The following DAB1 variants were observed in gnomAD, a reference collection of about 807,000 sequenced individuals.
The protein encoded by DAB1 is disabled homolog 1.
In DAB1, 15 loss-of-function variants were observed where a neutral mutation model predicts 64.6. That is an observed-to-expected ratio of 0.23 (90% CI 0.16 to 0.36). The LOEUF is 0.36. Ranked by LOEUF, DAB1 falls within the 10% of genes least tolerant of loss-of-function variation. The pLI, the probability that DAB1 is intolerant of heterozygous loss-of-function variation, is 1.00. For missense variants in DAB1, 596 were observed against 706.7 expected, an observed-to-expected ratio of 0.84 and a Z score of 1.78; for synonymous variants, 235 against 251.9, an observed-to-expected ratio of 0.93 and a Z score of 0.64.
intron 5 of DAB1, among the ~76,000 whole-genome samples, chr1:58,073,854 C>G (rs1649427064): frequency 6.6e-6 from 1 of 152,110 alleles, no homozygotes; most frequent in Non-Finnish European, 1.5e-5. Flanking sequence ...GAAATTAGTT[C>G]AGAAGGTGAA....
intron 7 of DAB1, among the ~76,000 whole-genome samples, chr1:57,527,793 T>C (rs1644611877): frequency 6.6e-6 from 1 of 152,118 alleles, no homozygotes; most frequent in African/African-American, 2.4e-5. Context: ...AGTTTTTGCA[T>C]GTGTGAGAAA....
intron 5 of DAB1, among the ~76,000 whole-genome samples, chr1:58,088,009 T>C (rs2100605331): frequency 6.6e-6 from 1 of 152,338 alleles, no homozygotes; most frequent in Non-Finnish European, 1.5e-5. Context: ...GTTTTGTTTC[T>C]ATCAACCATT....
chr1:58,452,397 C>T (rs1239648458), intron 3 of DAB1, among the ~76,000 whole-genome samples: 1 of 151,158 alleles, frequency 6.6e-6, no homozygotes, highest in Admixed American at 6.6e-5. Context: ...ATGAAAATGG[C>T]TAAAAAAAAA....
chr1:58,343,266 T>TGGATGGAC (rs1643960402), intron 4 of DAB1: 1 of 149,728 alleles, frequency 6.7e-6, no homozygotes, highest in Admixed American at 6.7e-5. Flanking sequence ...GATGGATGGA[T>TGGATGGAC]GGATGGATGG....
chr1:57,276,393 T>C (rs1671467714), intron 2 of DAB1, among the ~76,000 whole-genome samples: 1 of 152,260 alleles, frequency 6.6e-6, no homozygotes, highest in East Asian at 1.9e-4. Context: ...ACTACTTGAA[T>C]ATAAATTACT....
intron 4 of DAB1, among the ~76,000 whole-genome samples, chr1:58,162,493 G>A (rs1455920933): frequency 6.6e-6 from 1 of 151,934 alleles, no homozygotes; most frequent in African/African-American, 2.4e-5. Context: ...TCAGAAAAAC[G>A]CAAAGAGACT....
chr1:57,772,104 G>A (rs922396239), intron 6 of DAB1, among the ~76,000 whole-genome samples: 5 of 152,036 alleles, frequency 3.3e-5, no homozygotes, highest in Non-Finnish European at 5.9e-5. Flanking sequence ...TTAGGCCATA[G>A]GGGCTCTGCA....
intron 3 of DAB1, among the ~76,000 whole-genome samples, chr1:58,403,574 T>C (rs1644590798): frequency 6.6e-6 from 1 of 152,184 alleles, no homozygotes; most frequent in Non-Finnish European, 1.5e-5. Context: ...TCAAACCCAA[T>C]TAATGTCACT....
intron 2 of DAB1, among the ~76,000 whole-genome samples, chr1:57,222,045 A>G (rs187255332): frequency 2.4e-4 from 36 of 152,308 alleles, no homozygotes; most frequent in Admixed American, 2.3e-3. Flanking sequence ...CGCCCTTTAC[A>G]AATATTTTCT....
At chr1:57,399,096 T>C (rs974275854) in intron 1 of DAB1, among the ~76,000 whole-genome samples, 1 of 141,014 alleles carries the variant, frequency 7.1e-6, no homozygotes, top group Non-Finnish European at 1.5e-5. Flanking sequence ...GTTGAGGAAC[T>C]TTTTTTTTCT....
chr1:57,909,059 G>GT (rs1178242527), intron 5 of DAB1, among the ~76,000 whole-genome samples: 1 of 152,196 alleles, frequency 6.6e-6, no homozygotes, highest in Non-Finnish European at 1.5e-5. Flanking sequence ...CTCCTTTAGG[G>GT]TAGAGGGCAG....
intron 7 of DAB1, among the ~76,000 whole-genome samples, chr1:57,543,716 C>G (rs901393859): frequency 6.6e-6 from 1 of 152,094 alleles, no homozygotes; most frequent in African/African-American, 2.4e-5. Context: ...GAAGGAATGG[C>G]ATTGCCGAGC....
At chr1:58,309,343 C>T (rs774297302) in intron 4 of DAB1, among the ~76,000 whole-genome samples, 1 of 152,044 alleles carries the variant, frequency 6.6e-6, no homozygotes, top group Non-Finnish European at 1.5e-5. Flanking sequence ...TCCCATGGGC[C>T]GCTTGAATTT....
chr1:57,428,149 C>T (rs1685360369), upstream of DAB1, among the ~76,000 whole-genome samples: 1 of 151,782 alleles, frequency 6.6e-6, no homozygotes, highest in South Asian at 2.1e-4. Context: ...GCCTGGGCAA[C>T]AAGAGTGAAA....
intron 2 of DAB1, among the ~76,000 whole-genome samples, chr1:57,254,627 CT>C (rs1669617041): frequency 7.2e-6 from 1 of 138,982 alleles, no homozygotes; most frequent in African/African-American, 3.4e-5. Flanking sequence ...CATGGCTAAC[CT>C]CCTAAAAACA....
rs12033592 is a variant in DAB1, at chr1:58,105,286, A to G, written n.387+45225T>C. On this transcript the variant is annotated intron_variant and non_coding_transcript_variant, in intron 5 of 20. Transcript: ENST00000485760. ...TGCATTTTAAAATTAGGTCTTGTTC[A>G]GTTAAAAGCAAGACCCCATCTGTAA... Among the ~76,000 whole-genome samples the G allele has an allele frequency of 3.7e-3, 571 of 152,326 alleles. 32 individuals carry two copies. The East Asian group carries it at 0.097, about 26-fold the overall frequency.
intron 2 of DAB1, among the ~76,000 whole-genome samples, chr1:58,519,059 T>A (rs1157354888): frequency 1.3e-5 from 2 of 152,172 alleles, no homozygotes; most frequent in Non-Finnish European, 2.9e-5. Flanking sequence ...TCTTTGGCAA[T>A]TGATTGATTA....
intron 7 of DAB1, among the ~76,000 whole-genome samples, chr1:57,605,605 T>G (rs1645626930): frequency 6.6e-6 from 1 of 152,198 alleles, no homozygotes; most frequent in Non-Finnish European, 1.5e-5. Context: ...TGCCATGGAC[T>G]GTGTTTTTAT....
At chr1:57,781,126 C>CTCTATATATATA (rs1557477160) in intron 6 of DAB1, among the ~76,000 whole-genome samples, 1 of 27,714 alleles carries the variant, frequency 3.6e-5, no homozygotes, top group Non-Finnish European at 6.4e-5. Context: ...CTCTCTCTCT[C>CTCTATATATATA]TATATATATA....
Sources: allele counts gnomAD v4.1 joint callset (sites outside exome capture counted in the v4.1 genomes callset), GRCh38; gene constraint gnomAD v4.1.1; transcripts MANE v1.5; gene names NCBI Gene and HGNC (gene_info 2026-07-23, HGNC 2026-07-21).